Variants in CCDC30 observed in about 807,000 individuals in gnomAD.
CCDC30 encodes the protein coiled-coil domain containing 30.
A neutral mutation model predicts 100.2 loss-of-function variants in CCDC30; 70 were observed. That is an observed-to-expected ratio of 0.70 (90% CI 0.58 to 0.85). The LOEUF is 0.85. Ranked by LOEUF, CCDC30 falls within the 40% of genes least tolerant of loss-of-function variation. The pLI is 0.00. For synonymous variants in CCDC30, 233 were observed against 269.5 expected, an observed-to-expected ratio of 0.86 and a Z score of 1.33; for missense variants, 652 against 771.2, an observed-to-expected ratio of 0.85 and a Z score of 1.83.
At chr1:42,557,143 T>C (rs1041021073) in intron 6 of CCDC30, among the ~76,000 whole-genome samples, 2 of 152,132 alleles carry the variant, frequency 1.3e-5, no homozygotes, top group African/African-American at 4.8e-5. Flanking sequence ...CATAAGTAAA[T>C]AGAAGGCCGA....
chr1:42,516,505 T>G (rs1452103599), intron 6 of CCDC30, among the ~76,000 whole-genome samples: 3 of 146,672 alleles, frequency 2.0e-5, no homozygotes, highest in African/African-American at 7.6e-5. Flanking sequence ...AGGTGGAGGT[T>G]GCAGTGAGCT....
rs539718508 is a variant in CCDC30 at position 42,587,673 on chromosome 1, T to C, written c.1002-1648T>C. Among the ~76,000 whole-genome samples, 7 of 152,312 alleles carry C rather than the reference T, an allele frequency of 4.6e-5. No individual in the cohort carries two copies. In the South Asian group the frequency reaches 1.5e-3, roughly 32 times the overall value. ...TGTTGATTTCTCAGAATACTGAAGT[T>C]AGAGAAAACAAACTTAATTGTCGAA... On this transcript the variant is annotated intron_variant, in intron 9 of 16. Coordinates refer to ENST00000668663, the Ensembl canonical transcript of CCDC30.
chr1:42,581,496 A>G (rs1645965722), exon 9 of CCDC30: 3 of 1,612,584 alleles, frequency 1.9e-6, no homozygotes, highest in African/African-American at 2.7e-5. Flanking sequence ...CAACAATATC[A>G]AGAAGAACAA....
chr1:42,644,606 G>C, intron 13 of CCDC30, 87 bp from the exon 18 acceptor site: 1 of 761,124 alleles, frequency 1.3e-6, no homozygotes, highest in Non-Finnish European at 2.3e-6. Flanking sequence ...CTAAGATCCG[G>C]GGCCAGTGGG....
intron 11 of CCDC30, among the ~76,000 whole-genome samples, chr1:42,622,671 G>C (rs1207386091): frequency 1.3e-5 from 2 of 151,794 alleles, no homozygotes; most frequent in African/African-American, 4.8e-5. Context: ...TAGAAATGGG[G>C]TTTCGCCATG....
chr1:42,637,334 C>A (rs1470222739), exon 12 of CCDC30: 2 of 1,593,262 alleles, frequency 1.3e-6, no homozygotes, highest in Non-Finnish European at 1.7e-6. Flanking sequence ...GAGAATTAAC[C>A]AATTTGAAGA....
In CCDC30 at chr1:42,650,839, G is replaced by C. The variant is rs1442815923; in HGVS notation, c.1855-2537G>C. ...GATGGGGTCTTGTCATGTTGCCCAG[G>C]CTGGTCTCAAACTCCTGGGCTTAAG... On this transcript the variant is annotated intron_variant, in intron 15 of 16. Transcript: ENST00000668663. Among the ~76,000 whole-genome samples, 3 of 152,040 alleles carry C rather than the reference G, an allele frequency of 2.0e-5. No individual in the cohort carries two copies. In the South Asian group the frequency reaches 6.2e-4, roughly 32 times the overall value.
intron 7 of CCDC30, among the ~76,000 whole-genome samples, chr1:42,568,663 A>C (rs1645659217): frequency 6.6e-6 from 1 of 151,978 alleles, no homozygotes; most frequent in South Asian, 2.1e-4. Flanking sequence ...GCAGTGGCTG[A>C]CACCTATAAT....
chr1:42,621,758 G>A (rs11210683), intron 11 of CCDC30, among the ~76,000 whole-genome samples: 28,740 of 151,906 alleles, frequency 0.19, 3,469 homozygotes, highest in Non-Finnish European at 0.25. Flanking sequence ...TGATCCGCCC[G>A]CCTCGGCCTC....
At chr1:42,653,921 C>T in exon 17 of CCDC30, 2 of 1,614,068 alleles carry the variant, frequency 1.2e-6, no homozygotes, top group Non-Finnish European at 1.7e-6. Context: ...TGAAAAGTCT[C>T]CTGAGAATCT....
At chr1:42,536,886 C>G (rs1482764546) in intron 6 of CCDC30, 1 of 389,118 alleles carries the variant, frequency 2.6e-6, no homozygotes, top group Non-Finnish European at 4.7e-6. Flanking sequence ...AGTGAGCAAG[C>G]TCTGGTGTCT....
intron 10 of CCDC30, among the ~76,000 whole-genome samples, chr1:42,598,870 G>A (rs146940931): frequency 6.6e-6 from 1 of 152,116 alleles, no homozygotes; most frequent in East Asian, 1.9e-4. Flanking sequence ...AGACCAACCT[G>A]GGCAACATAG....
intron 11 of CCDC30, among the ~76,000 whole-genome samples, chr1:42,618,575 A>G (rs1035755433): frequency 6.6e-6 from 1 of 152,182 alleles, no homozygotes; most frequent in African/African-American, 2.4e-5. Flanking sequence ...TCCTAGCAGA[A>G]AGGAGAATGA....
intron 12 of CCDC30, among the ~76,000 whole-genome samples, chr1:42,640,524 G>A (rs1043551581): frequency 2.0e-5 from 3 of 152,018 alleles, no homozygotes; most frequent in African/African-American, 7.3e-5. Flanking sequence ...GATATTGCCG[G>A]GTCCCTGAGA....
At chr1:42,456,598 C>T in the CCDC30 span, 71 of 1,510,902 alleles carry the variant, frequency 4.7e-5, no homozygotes, top group Admixed American at 1.3e-3. Flanking sequence ...CCGAGTTCCC[C>T]CAGCCTCCCG....
intron 3 of CCDC30, among the ~76,000 whole-genome samples, chr1:42,488,294 T>G (rs2148463345): frequency 6.6e-6 from 1 of 152,280 alleles, no homozygotes; most frequent in South Asian, 2.1e-4. Context: ...TTAGGAGGAC[T>G]GTTGGAAAGC....
chr1:42,551,283 G>A (rs7526904), intron 6 of CCDC30, among the ~76,000 whole-genome samples: 58,463 of 151,962 alleles, frequency 0.38, 11,758 homozygotes, highest in East Asian at 0.59. Flanking sequence ...TGAGACTGCT[G>A]TGCATGTATG....
upstream of CCDC30, chr1:42,460,299 C>G: frequency 1.0e-6 from 1 of 994,510 alleles, no homozygotes; most frequent in African/African-American, 1.7e-5. Flanking sequence ...ATGTCAGGCC[C>G]TGTGCTGAGC....
chr1:42,635,336 G>A (rs760033820), intron 11 of CCDC30, among the ~76,000 whole-genome samples: 3 of 151,846 alleles, frequency 2.0e-5, no homozygotes, highest in Non-Finnish European at 4.4e-5. Flanking sequence ...GTGAGCCACC[G>A]TGCCTGGCTA....
Sources: allele counts gnomAD v4.1 joint callset (sites outside exome capture counted in the v4.1 genomes callset), GRCh38; gene constraint gnomAD v4.1.1; transcripts MANE v1.5; gene names NCBI Gene and HGNC (gene_info 2026-07-23, HGNC 2026-07-21).